The following MYO16 variants were observed in gnomAD, a reference collection of about 807,000 sequenced individuals.
MYO16 encodes the protein myosin XVI.
A neutral mutation model predicts 205.3 loss-of-function variants in MYO16; 94 were observed. The ratio of observed to expected loss-of-function variants is 0.46; its 90% confidence interval spans 0.39 to 0.54. The LOEUF is 0.54. MYO16 is among the 20% of genes least tolerant of loss of function. MYO16 has a pLI of 0.00. For missense variants in MYO16, 2,315 were observed against 2,387.5 expected, an observed-to-expected ratio of 0.97 and a Z score of 0.63; for synonymous variants, 988 against 954.0, an observed-to-expected ratio of 1.04 and a Z score of -0.66.
chr13:108,910,159 C>CT lies in MYO16; in HGVS notation c.1925+10dup. The CT allele has an allele frequency of 6.2e-7, 1 of 1,608,240 alleles. No individual in the cohort carries two copies. The highest frequency in any genetic ancestry group is 1.1e-5 in the South Asian group (1 of 90,434). On this transcript the variant is annotated intron_variant, in intron 16 of 34. Transcript: ENST00000457511. Reference sequence around the variant, plus strand: ...AATTTATGTGCACACCGGTGAGTGACTAAGTATTTTGTATCTAAAAGCTAT... The same window carrying CT: ...AATTTATGTGCACACCGGTGAGTGACTTAAGTATTTTGTATCTAAAAGCTAT...
chr13:108,893,871 G>A (rs1880288293), intron 14 of MYO16, among the ~76,000 whole-genome samples: 1 of 152,112 alleles, frequency 6.6e-6, no homozygotes, highest in African/African-American at 2.4e-5. Flanking sequence ...GGGTCATTTG[G>A]ATCAGCAGTT....
chr13:108,608,581 A>G (rs1879049596), intron 1 of MYO16, among the ~76,000 whole-genome samples: 1 of 152,172 alleles, frequency 6.6e-6, no homozygotes, highest in African/African-American at 2.4e-5. Flanking sequence ...ACACACGCAT[A>G]CATATACACA....
intron 32 of MYO16, among the ~76,000 whole-genome samples, chr13:109,161,621 A>C (rs148220583): frequency 6.6e-6 from 1 of 152,224 alleles, no homozygotes; most frequent in East Asian, 1.9e-4. Context: ...GCTGACCATT[A>C]GTTCTTATGC....
intron 20 of MYO16, among the ~76,000 whole-genome samples, chr13:108,990,667 T>C (rs1346894689): frequency 6.6e-6 from 1 of 152,224 alleles, no homozygotes; most frequent in African/African-American, 2.4e-5. Context: ...ATATATTGAA[T>C]GATTTCTTTT....
the MYO16 span, among the ~76,000 whole-genome samples, chr13:108,533,987 T>C: frequency 9.3e-3 from 1,415 of 152,274 alleles, 23 homozygotes; most frequent in African/African-American, 0.032. Flanking sequence ...GCAGATTTTT[T>C]TTATGTTTGC....
intron 34 of MYO16, among the ~76,000 whole-genome samples, chr13:109,190,152 A>T (rs1328484079): frequency 2.0e-5 from 3 of 152,140 alleles, no homozygotes; most frequent in African/African-American, 2.4e-5. Flanking sequence ...AGGAAAAAAA[A>T]ATTATTTTAC....
At chr13:109,183,173 C>T (rs1310633366) in intron 34 of MYO16, among the ~76,000 whole-genome samples, 2 of 151,894 alleles carry the variant, frequency 1.3e-5, no homozygotes, top group African/African-American at 4.8e-5. Context: ...TGCTATTTGG[C>T]GTGATGCAAT....
At chr13:108,795,837 A>G (rs185094967) in intron 6 of MYO16, among the ~76,000 whole-genome samples, 103 of 152,322 alleles carry the variant, frequency 6.8e-4, no homozygotes, top group African/African-American at 2.4e-3. Flanking sequence ...CAAGGGAAAA[A>G]ACAACACAGG....
At chr13:109,104,166 A>G (rs1054122520) in intron 28 of MYO16, among the ~76,000 whole-genome samples, 3 of 152,102 alleles carry the variant, frequency 2.0e-5, no homozygotes, top group Non-Finnish European at 4.4e-5. Flanking sequence ...AGCTTTTCCT[A>G]TGTCATGTTC....
At chr13:108,991,145 T>A (rs1884815037) in intron 20 of MYO16, among the ~76,000 whole-genome samples, 1 of 152,178 alleles carries the variant, frequency 6.6e-6, no homozygotes, top group African/African-American at 2.4e-5. Context: ...AATTCCAGAA[T>A]TATCTCTGGG....
intron 12 of MYO16, among the ~76,000 whole-genome samples, chr13:108,880,934 A>G (rs983184810): frequency 2.0e-5 from 3 of 152,184 alleles, no homozygotes; most frequent in African/African-American, 7.2e-5. Context: ...ATGGCATTGA[A>G]TCTATAAATT....
At chr13:108,587,335 G>T in the MYO16 span, among the ~76,000 whole-genome samples, 1 of 152,112 alleles carries the variant, frequency 6.6e-6, no homozygotes, top group East Asian at 1.9e-4. Context: ...AAAGAATTCA[G>T]ATAAGACAAC....
intron 24 of MYO16, chr13:109,048,582 A>G (rs4773018): frequency 0.06 from 22,398 of 374,960 alleles, 827 homozygotes; most frequent in Non-Finnish European, 0.071. Flanking sequence ...GCAGTGGGCC[A>G]TGTTTGGCTC....
rs757516424 is a variant in MYO16 at position 109,140,971 on chromosome 13, G to C, written c.4759G>C (p.Gly1587Arg). 6.2e-6 allele frequency: 9 copies of C among 1,440,682 alleles called. No homozygotes were observed. In the South Asian group the frequency reaches 7.4e-5, roughly 12 times the overall value. The allele number at this position is 1,440,682 out of a possible 1,614,324, so 89.2% of individuals were successfully genotyped here. Residue 1587 changes from glycine (G) to arginine (R), a missense_variant, in exon 32 of 35, where the codon GGC becomes CGC. By Grantham distance (125) the Gly-to-Arg change is moderately radical. Coordinates refer to ENST00000457511, the MANE Select transcript of MYO16 (RefSeq NM_001198950.3). This position sits in a 1 kb window ranked among gnomAD's most constrained non-coding sequence, Gnocchi z 8.0. ...SPGLALFNGSGRASPPSTPPP... is the reference protein window; with the variant it reads ...SPGLALFNGSRRASPPSTPPP... ...CGGCCTGGCGCTGTTCAACGGGTCC[G>C]GCCGAGCCTCCCCGCCGTCCACGCC...
At chr13:108,508,628 C>T in the MYO16 span, among the ~76,000 whole-genome samples, 26 of 152,290 alleles carry the variant, frequency 1.7e-4, 1 homozygote, top group East Asian at 3.9e-3. Context: ...TCCTCCTTCT[C>T]TTTCCCTCCT....
At chr13:109,042,780 C>G (rs745514237) in intron 23 of MYO16, among the ~76,000 whole-genome samples, 1 of 152,134 alleles carries the variant, frequency 6.6e-6, no homozygotes. Flanking sequence ...ATGTAAAGAG[C>G]TTGTCTGATA....
the MYO16 span, among the ~76,000 whole-genome samples, chr13:108,496,224 C>T: frequency 6.6e-6 from 1 of 152,182 alleles, no homozygotes; most frequent in African/African-American, 2.4e-5. Context: ...GAGTAGAAGC[C>T]TTCTGAACTC....
chr13:108,673,490 A>G (rs1594197474), intron 2 of MYO16, among the ~76,000 whole-genome samples: 1 of 152,174 alleles, frequency 6.6e-6, no homozygotes, highest in East Asian at 1.9e-4. Context: ...CTATAATATC[A>G]TACTTTATTT....
At chr13:108,884,480 G>A (rs553136101) in intron 13 of MYO16, among the ~76,000 whole-genome samples, 31 of 151,982 alleles carry the variant, frequency 2.0e-4, no homozygotes, top group African/African-American at 7.5e-4. Flanking sequence ...TGAGAAAGGC[G>A]CTGAGGCAGG....
Sources: allele counts gnomAD v4.1 joint callset (sites outside exome capture counted in the v4.1 genomes callset), GRCh38; gene constraint gnomAD v4.1.1; non-coding constraint Gnocchi (gnomAD v3.1); transcripts MANE v1.5; gene names NCBI Gene and HGNC (gene_info 2026-07-23, HGNC 2026-07-21).